ANKS1B: variants seen among roughly 807,000 people sequenced by gnomAD.
ANKS1B encodes the protein ankyrin repeat and sterile alpha motif domain-containing protein 1B.
A neutral mutation model predicts 148.3 loss-of-function variants in ANKS1B; 36 were observed. That is an observed-to-expected ratio of 0.24 (90% CI 0.19 to 0.32). The LOEUF (loss-of-function observed/expected upper bound fraction) is 0.32, where lower values mean the gene tolerates loss of function less well. Ranked by LOEUF, ANKS1B falls within the 10% of genes least tolerant of loss-of-function variation. The probability of loss-of-function intolerance (pLI) is 1.00; values close to 1 mark genes in which losing one functional copy is unlikely to be tolerated. For missense variants in ANKS1B, 1,157 were observed against 1,542.6 expected, an observed-to-expected ratio of 0.75 and a Z score of 4.19; for synonymous variants, 542 against 560.8, an observed-to-expected ratio of 0.97 and a Z score of 0.47.
chr12:99,675,687 T>C (rs2098560547), intron 8 of ANKS1B, among the ~76,000 whole-genome samples: 1 of 151,934 alleles, frequency 6.6e-6, no homozygotes, highest in East Asian at 1.9e-4. Flanking sequence ...AAGGTAGATG[T>C]GCACAAAGAT....
chr12:99,145,856 C>A (rs11837903), intron 15 of ANKS1B, among the ~76,000 whole-genome samples: 10,692 of 151,976 alleles, frequency 0.07, 1,030 homozygotes, highest in African/African-American at 0.22. Context: ...ATTTTTTTAA[C>A]CTTGTTGAGT....
intron 1 of ANKS1B, among the ~76,000 whole-genome samples, chr12:99,939,183 C>T (rs999208131): frequency 1.4e-4 from 21 of 152,110 alleles, no homozygotes; most frequent in African/African-American, 4.3e-4. Flanking sequence ...CCTCGACCTA[C>T]TGGGCTCAAG....
At chr12:99,978,844 A>T (rs1322944739) in intron 1 of ANKS1B, among the ~76,000 whole-genome samples, 1 of 152,156 alleles carries the variant, frequency 6.6e-6, no homozygotes, top group Non-Finnish European at 1.5e-5. Flanking sequence ...GATCTTAAGA[A>T]CTGTATTATT....
intron 17 of ANKS1B, among the ~76,000 whole-genome samples, chr12:98,866,904 T>C (rs2099627565): frequency 6.6e-6 from 1 of 152,192 alleles, no homozygotes; most frequent in Admixed American, 6.5e-5. Context: ...CTAGTAGGTT[T>C]TGAATATGGG....
In ANKS1B at chr12:99,280,840, ATCTCTCTCTC is replaced by A. The variant is rs142595888; in HGVS notation, c.1757-33986_1757-33977del. Among the ~76,000 whole-genome samples, 5 of 144,432 alleles carry A rather than the reference ATCTCTCTCTC, an allele frequency of 3.5e-5. 1 individual carries two copies. Among genetic ancestry groups the A allele is most frequent in the Admixed American group, 2.1e-4 (3 of 14,414 alleles). The allele number at this position is 144,432 out of a possible 152,430, so 94.8% of individuals were successfully genotyped here. A position where few individuals can be genotyped will look rare whatever the true frequency, so the allele number is the denominator to read the frequency against. The stretch of plus-strand genomic sequence containing the variant: ...AGCATGAGCCAATTCCTTATAATAA[ATCTCTCTCTC>A]TCTCTCTCTCTCTCTGTCTGTCTCT... On this transcript the variant is annotated intron_variant, in intron 12 of 26. Transcript: ENST00000683438.
rs1347241765 is a variant in ANKS1B, at chr12:99,003,738, G to A, written c.2778+49419C>T. Among the ~76,000 whole-genome samples, 3 of 152,154 alleles carry A rather than the reference G, an allele frequency of 2.0e-5. No homozygotes were observed. The East Asian group carries it at 5.8e-4, about 29-fold the overall frequency. On this transcript the variant is annotated intron_variant, in intron 17 of 26. Transcript: ENST00000683438. ...GCAGTAGAGCCTGATGGTTAGAGCT[G>A]CACGCATGGGCAGACCTCCCGGTTT...
intron 17 of ANKS1B, among the ~76,000 whole-genome samples, chr12:98,889,353 T>TTA (rs1567576961): frequency 6.6e-6 from 1 of 151,698 alleles, no homozygotes; most frequent in African/African-American, 2.4e-5. Flanking sequence ...CTTTTTTATT[T>TTA]TTTTTTTTTT....
At chr12:99,051,112 G>A (rs910679243) in intron 17 of ANKS1B, among the ~76,000 whole-genome samples, 8 of 152,138 alleles carry the variant, frequency 5.3e-5, no homozygotes, top group Admixed American at 5.2e-4. Flanking sequence ...AGTCACTGCA[G>A]CTGTCTACAA....
intron 19 of ANKS1B, among the ~76,000 whole-genome samples, chr12:98,819,956 G>A (rs984259203): frequency 6.6e-6 from 1 of 152,172 alleles, no homozygotes; most frequent in African/African-American, 2.4e-5. Context: ...TCTCTGATTT[G>A]TAAAGAATGA....
intron 9 of ANKS1B, among the ~76,000 whole-genome samples, chr12:99,636,434 C>T (rs1157921173): frequency 6.6e-6 from 1 of 152,060 alleles, no homozygotes; most frequent in Non-Finnish European, 1.5e-5. Flanking sequence ...GCCATGAGTT[C>T]CACAATATAA....
chr12:99,944,851 A>G (rs777760696), intron 1 of ANKS1B, among the ~76,000 whole-genome samples: 1 of 152,124 alleles, frequency 6.6e-6, no homozygotes, highest in Non-Finnish European at 1.5e-5. Flanking sequence ...GGAGACATAG[A>G]TAAGTGAAAA....
intron 19 of ANKS1B, among the ~76,000 whole-genome samples, chr12:98,810,910 C>T (rs568781376): frequency 2.8e-4 from 42 of 152,342 alleles, no homozygotes; most frequent in Non-Finnish European, 4.4e-4. Context: ...AAGAGAAGCT[C>T]GGTCTGCGCT....
At chr12:99,149,467 C>CA (rs1313528813) in intron 15 of ANKS1B, among the ~76,000 whole-genome samples, 1 of 152,060 alleles carries the variant, frequency 6.6e-6, no homozygotes, top group African/African-American at 2.4e-5. Context: ...GTAGGGCTAT[C>CA]AGTATTATTG....
chr12:99,329,763 C>T (rs1238593145), intron 12 of ANKS1B, among the ~76,000 whole-genome samples: 1 of 151,668 alleles, frequency 6.6e-6, no homozygotes, highest in Admixed American at 6.6e-5. Context: ...GTCCTTAGGC[C>T]ATTTTTCTAT....
intron 1 of ANKS1B, among the ~76,000 whole-genome samples, chr12:99,850,219 T>A (rs1166980736): frequency 6.7e-6 from 1 of 149,954 alleles, no homozygotes; most frequent in African/African-American, 2.5e-5. Context: ...TTGATGTGAT[T>A]CAAAACATGT....
intron 12 of ANKS1B, among the ~76,000 whole-genome samples, chr12:99,297,329 G>T (rs940667543): frequency 6.6e-6 from 1 of 152,098 alleles, no homozygotes; most frequent in Non-Finnish European, 1.5e-5. Flanking sequence ...ATGTTGCAAA[G>T]GTATAAATAA....
chr12:99,393,900 C>A (rs2094157705), intron 12 of ANKS1B, among the ~76,000 whole-genome samples: 2 of 152,096 alleles, frequency 1.3e-5, no homozygotes, highest in African/African-American at 4.8e-5. Context: ...CCTTGCTCTT[C>A]AATCACTTCA....
chr12:99,619,791 C>T (rs1189456318), intron 9 of ANKS1B, among the ~76,000 whole-genome samples: 1 of 152,182 alleles, frequency 6.6e-6, no homozygotes, highest in Non-Finnish European at 1.5e-5. Context: ...CAACTCCACA[C>T]CTAGGCCCAT....
intron 25 of ANKS1B, among the ~76,000 whole-genome samples, chr12:98,765,652 G>A (rs936575802): frequency 7.9e-5 from 12 of 151,306 alleles, no homozygotes; most frequent in African/African-American, 2.7e-4. Flanking sequence ...TGTAACCTCC[G>A]CCTCCCAGGT....
Sources: gnomAD v4.1 joint callset for allele counts (sites outside exome capture counted in the v4.1 genomes callset) on GRCh38, gnomAD v4.1.1 for gene constraint, MANE v1.5 for transcripts, NCBI Gene and HGNC (gene_info 2026-07-23, HGNC 2026-07-21) for gene names.